MEI4: variants seen among roughly 807,000 people sequenced by gnomAD.
MEI4 encodes the protein meiosis-specific protein MEI4.
MEI4 carries 27 observed loss-of-function variants against 31.4 expected under a neutral mutation model. That is an observed-to-expected ratio of 0.86 (90% CI 0.63 to 1.19). The LOEUF (loss-of-function observed/expected upper bound fraction) is 1.19, where lower values mean the gene tolerates loss of function less well. MEI4 is among the 50% of genes most tolerant of loss of function. The probability of loss-of-function intolerance (pLI) is 0.00; values close to 1 mark genes in which losing one functional copy is unlikely to be tolerated. For synonymous variants in MEI4, 122 were observed against 145.4 expected, an observed-to-expected ratio of 0.84 and a Z score of 1.16; for missense variants, 329 against 398.9, an observed-to-expected ratio of 0.82 and a Z score of 1.49.
intron 4 of MEI4, 70 bp from the exon 5 acceptor site, chr6:77,923,019 A>C (rs1165962424): frequency 2.1e-6 from 2 of 956,404 alleles, no homozygotes; most frequent in African/African-American, 3.4e-5. Context: ...AAACTCTGAT[A>C]TCTTTATATG....
intron 2 of MEI4, among the ~76,000 whole-genome samples, chr6:77,714,077 A>G (rs997253518): frequency 1.3e-5 from 2 of 152,148 alleles, no homozygotes; most frequent in Non-Finnish European, 2.9e-5. Context: ...ATTCTTTTGT[A>G]TGGCTACATA....
At chr6:77,704,577 A>G (rs1400828142) in intron 2 of MEI4, among the ~76,000 whole-genome samples, 2 of 152,208 alleles carry the variant, frequency 1.3e-5, no homozygotes, top group Non-Finnish European at 2.9e-5. Context: ...GCAAATTCTC[A>G]GATCCCACCA....
intron 1 of MEI4, among the ~76,000 whole-genome samples, chr6:77,672,117 G>A (rs9343638): frequency 0.38 from 57,082 of 152,030 alleles, 10,946 homozygotes; most frequent in African/African-American, 0.42. Flanking sequence ...TTCTACTGGC[G>A]GGCGAAGAGG....
intron 4 of MEI4, among the ~76,000 whole-genome samples, chr6:77,912,038 C>A (rs908489031): frequency 6.6e-6 from 1 of 151,992 alleles, no homozygotes; most frequent in African/African-American, 2.4e-5. Flanking sequence ...TTTCATTCTT[C>A]CACATATGGA....
At chr6:77,651,937 G>A (rs995440813), upstream of MEI4, among the ~76,000 whole-genome samples, 1 of 152,152 alleles carries the variant, frequency 6.6e-6, no homozygotes, top group Non-Finnish European at 1.5e-5. Flanking sequence ...AAAATGTTAC[G>A]TTACACCATG....
intron 3 of MEI4, among the ~76,000 whole-genome samples, chr6:77,796,810 G>T (rs755128487): frequency 2.6e-5 from 4 of 152,120 alleles, no homozygotes; most frequent in African/African-American, 9.7e-5. Flanking sequence ...AATTCCAAAG[G>T]TGCCTTTCAC....
chr6:77,657,326 G>A (rs1043132968), intron 1 of MEI4, among the ~76,000 whole-genome samples: 1 of 152,172 alleles, frequency 6.6e-6, no homozygotes, highest in Non-Finnish European at 1.5e-5. Context: ...TGTACATGTT[G>A]TACTTTCCAG....
chr6:77,893,595 T>C (rs1426021456), intron 4 of MEI4, among the ~76,000 whole-genome samples: 2 of 152,238 alleles, frequency 1.3e-5, no homozygotes, highest in African/African-American at 4.8e-5. Context: ...GTTATGTAAT[T>C]TCTGTCTTAG....
chr6:77,730,731 C>G (rs1041333922), intron 2 of MEI4, among the ~76,000 whole-genome samples: 1 of 151,708 alleles, frequency 6.6e-6, no homozygotes, highest in Non-Finnish European at 1.5e-5. Flanking sequence ...CACCCACTAA[C>G]TCGTCATCTA....
intron 2 of MEI4, among the ~76,000 whole-genome samples, chr6:77,755,260 A>T (rs1489042417): frequency 6.6e-6 from 1 of 152,180 alleles, no homozygotes; most frequent in Non-Finnish European, 1.5e-5. Flanking sequence ...TATACTTGAG[A>T]TCCACTCTAA....
chr6:77,831,510 T>C (rs1450183601), intron 4 of MEI4, among the ~76,000 whole-genome samples: 3 of 145,068 alleles, frequency 2.1e-5, no homozygotes, highest in Non-Finnish European at 3.0e-5. Context: ...GATAATTTTA[T>C]ATATATATAT....
chr6:77,874,189 C>T (rs1166541633), intron 4 of MEI4, among the ~76,000 whole-genome samples: 2 of 152,132 alleles, frequency 1.3e-5, no homozygotes, highest in Admixed American at 6.5e-5. Context: ...TATTAATTAC[C>T]TTGGGCAATA....
At chr6:77,850,917 A>G (rs1268128155) in intron 4 of MEI4, among the ~76,000 whole-genome samples, 1 of 152,104 alleles carries the variant, frequency 6.6e-6, no homozygotes, top group Non-Finnish European at 1.5e-5. Flanking sequence ...CAGAATCTAC[A>G]AAGAACTCAA....
chr6:77,776,810 A>T (rs953286521), intron 3 of MEI4, among the ~76,000 whole-genome samples: 1 of 152,166 alleles, frequency 6.6e-6, no homozygotes, highest in African/African-American at 2.4e-5. Flanking sequence ...TTAACTAGCT[A>T]GGTCATGGCA....
intron 4 of MEI4, among the ~76,000 whole-genome samples, chr6:77,891,032 G>C (rs549287367): frequency 6.6e-6 from 1 of 152,268 alleles, no homozygotes; most frequent in South Asian, 2.1e-4. Context: ...ATGTGAAAAT[G>C]AGCTAATACA....
At chr6:77,809,776 AT>A (rs1401624967) in intron 3 of MEI4, among the ~76,000 whole-genome samples, 1 of 152,178 alleles carries the variant, frequency 6.6e-6, no homozygotes, top group African/African-American at 2.4e-5. Flanking sequence ...CCAAATCTAA[AT>A]AATCATAATA....
intron 3 of MEI4, among the ~76,000 whole-genome samples, chr6:77,788,973 T>A (rs1054778906): frequency 6.6e-6 from 1 of 152,148 alleles, no homozygotes; most frequent in African/African-American, 2.4e-5. Context: ...AGAACAAAGC[T>A]GGAGGCATCA....
intron 2 of MEI4, 93 bp from the exon 3 acceptor site, chr6:77,761,037 C>A: frequency 1.2e-6 from 1 of 861,904 alleles, no homozygotes; most frequent in Non-Finnish European, 1.5e-6. Context: ...TTATATACTT[C>A]ATTTCTTATT....
chr6:77,729,552 G>A (rs2127666584), intron 2 of MEI4, among the ~76,000 whole-genome samples: 1 of 152,284 alleles, frequency 6.6e-6, no homozygotes, highest in South Asian at 2.1e-4. Context: ...CTTTCATTAT[G>A]ATGACTTAGT....
Sources: allele counts gnomAD v4.1 joint callset (sites outside exome capture counted in the v4.1 genomes callset), GRCh38; gene constraint gnomAD v4.1.1; transcripts MANE v1.5; gene names NCBI Gene and HGNC (gene_info 2026-07-23, HGNC 2026-07-21).